NRXN3: variants seen among roughly 807,000 people sequenced by gnomAD.
The protein encoded by NRXN3 is neurexin 3.
A neutral mutation model predicts 137.6 loss-of-function variants in NRXN3; 32 were observed. The observed-to-expected ratio is 0.23, with a 90% CI of 0.18 to 0.31. NRXN3 has a LOEUF of 0.31. Ranked by LOEUF, NRXN3 falls within the 10% of genes least tolerant of loss-of-function variation. The pLI is 1.00. For synonymous variants in NRXN3, 798 were observed against 784.5 expected (o/e 1.02, Z -0.29); for missense variants, 1,574 against 2,062.5 (o/e 0.76, Z 4.59).
chr14:78,206,569 G>A (rs1044574391), intron 1 of NRXN3, among the ~76,000 whole-genome samples: 4 of 152,192 alleles, frequency 2.6e-5, no homozygotes, highest in African/African-American at 9.6e-5. Flanking sequence ...AAGAGTGAAA[G>A]GCTGAGATGA....
intron 15 of NRXN3, among the ~76,000 whole-genome samples, chr14:79,399,922 C>G (rs1056422081): frequency 2.0e-5 from 3 of 152,072 alleles, no homozygotes; most frequent in African/African-American, 7.2e-5. Context: ...CTGGGCTTTC[C>G]TTGGCTTTTA....
chr14:78,642,929 G>A (rs2097649779), intron 4 of NRXN3, among the ~76,000 whole-genome samples: 1 of 152,214 alleles, frequency 6.6e-6, no homozygotes, highest in African/African-American at 2.4e-5. Context: ...GCTACCCTGT[G>A]AGCATTTATA....
Position 78,778,781 on chromosome 14 carries a change from TTTCTTTC to T in NRXN3, c.2045-24836_2045-24830del, listed in dbSNP as rs1209786741. ...TTCTCTTTCTTTCTTTCTTTCTTTC[TTTCTTTC>T]TTTCTTTCTTTCTTTCTTTCTTTCT... On this transcript the variant is annotated intron_variant, in intron 8 of 20. Coordinates refer to ENST00000335750, the MANE Select transcript of NRXN3 (RefSeq NM_001330195.2). Among the ~76,000 whole-genome samples the T allele has an allele frequency of 2.6e-3, 336 of 129,226 alleles. 9 individuals are homozygous for T. The highest frequency in any genetic ancestry group is 3.9e-4 in the Non-Finnish European group (24 of 62,170). 84.8% of individuals were successfully genotyped at this position (129,226 alleles called of 152,430 possible).
chr14:78,830,145 G>A (rs215499), intron 10 of NRXN3, among the ~76,000 whole-genome samples: 119,073 of 152,018 alleles, frequency 0.78, 51,095 homozygotes, highest in Non-Finnish European at 0.95. Flanking sequence ...GTATGGGTGC[G>A]TGTGTGTGTT....
At chr14:78,836,871 C>T (rs1486840834) in intron 10 of NRXN3, among the ~76,000 whole-genome samples, 1 of 152,072 alleles carries the variant, frequency 6.6e-6, no homozygotes, top group African/African-American at 2.4e-5. Flanking sequence ...CTACAGTGTT[C>T]CAGGGTCAGC....
intron 4 of NRXN3, among the ~76,000 whole-genome samples, chr14:78,459,822 CCAATAGA>C (rs2094867601): frequency 6.6e-6 from 1 of 152,218 alleles, no homozygotes; most frequent in African/African-American, 2.4e-5. Context: ...AAGCAATTCT[CCAATAGA>C]CACCAGCTGG....
chr14:79,229,016 C>T (rs967807950), intron 15 of NRXN3, among the ~76,000 whole-genome samples: 5 of 152,076 alleles, frequency 3.3e-5, no homozygotes, highest in Non-Finnish European at 7.4e-5. Context: ...CACACTAAAA[C>T]CCAGAGAGGT....
Position 79,553,438 on chromosome 14 carries a change from G to A in NRXN3, c.3444+86036G>A, listed in dbSNP as rs532645005. 7.9e-5 allele frequency among the ~76,000 whole-genome samples: 12 copies of A among 152,188 alleles called. No individual in the cohort carries two copies. In the South Asian group the frequency reaches 2.5e-3, roughly 32 times the overall value. Reference sequence around the variant, plus strand: ...ACGTTCAGCCAAAAATTACACCCAGGTCTGATTTCAAAGACACTAAAACCA... The same window carrying A: ...ACGTTCAGCCAAAAATTACACCCAGATCTGATTTCAAAGACACTAAAACCA... On this transcript the variant is annotated intron_variant, in intron 16 of 20. Transcript: ENST00000335750.
chr14:79,640,760 T>A lies in NRXN3; in HGVS notation c.3445-23018T>A, dbSNP rs182206847. ...CTTTTGTTCTACTTGATACGGCATATCCATTCTTGAGTGAGGCTGAGTACA... is the reference window on the plus strand; with the variant it reads ...CTTTTGTTCTACTTGATACGGCATAACCATTCTTGAGTGAGGCTGAGTACA... On this transcript the variant is annotated intron_variant, in intron 16 of 20. Coordinates refer to ENST00000335750, the MANE Select transcript of NRXN3 (RefSeq NM_001330195.2). 4.4e-5 allele frequency among the ~76,000 whole-genome samples: 6 copies of A among 135,782 alleles called. No homozygotes were observed. In the East Asian group the frequency reaches 1.2e-3, roughly 27 times the overall value. 89.1% of individuals were successfully genotyped at this position (135,782 alleles called of 152,430 possible).
chr14:79,379,111 T>C (rs1237587172), intron 15 of NRXN3, among the ~76,000 whole-genome samples: 1 of 152,208 alleles, frequency 6.6e-6, no homozygotes, highest in African/African-American at 2.4e-5. Context: ...TACCTCTTTC[T>C]TTCAAAATTT....
rs565637732 is a variant in NRXN3 at position 78,278,607 on chromosome 14, C to T, written c.710-38C>T. On this transcript the variant is annotated intron_variant, in intron 2 of 20. Coordinates refer to ENST00000335750, the MANE Select transcript of NRXN3 (RefSeq NM_001330195.2). The stretch of plus-strand genomic sequence containing the variant: ...CTTCCTTTTTCTCCCCTTTTCTCTC[C>T]TCTCTCCCTTTCCCTCCCTTTGAAA... 3.0e-5 allele frequency: 46 copies of T among 1,520,640 alleles called. No individual in the cohort carries two copies. In the African/African-American group the frequency reaches 4.1e-4, roughly 14 times the overall value. The allele number at this position is 1,520,640 out of a possible 1,614,324, so 94.2% of individuals were successfully genotyped here. A position where few individuals can be genotyped will look rare whatever the true frequency, so the allele number is the denominator to read the frequency against.
At chr14:78,483,453 T>A (rs2095505999) in intron 4 of NRXN3, among the ~76,000 whole-genome samples, 1 of 152,334 alleles carries the variant, frequency 6.6e-6, no homozygotes, top group East Asian at 1.9e-4. Context: ...CAACTGCATG[T>A]CACTGGTGAC....
chr14:79,409,196 A>C (rs1375470399), intron 15 of NRXN3, among the ~76,000 whole-genome samples: 1 of 152,056 alleles, frequency 6.6e-6, no homozygotes, highest in African/African-American at 2.4e-5. Flanking sequence ...TTCAATTAAC[A>C]AAGTAACAGG....
intron 2 of NRXN3, among the ~76,000 whole-genome samples, chr14:78,267,022 C>T (rs756540979): frequency 6.6e-6 from 1 of 152,164 alleles, no homozygotes; most frequent in Non-Finnish European, 1.5e-5. Flanking sequence ...CCTTCCTTCT[C>T]AAGTTCATTG....
intron 16 of NRXN3, among the ~76,000 whole-genome samples, chr14:79,596,979 C>G (rs1424840545): frequency 1.3e-5 from 2 of 152,146 alleles, no homozygotes; most frequent in Admixed American, 6.5e-5. Flanking sequence ...AGGACACATA[C>G]AGCAGTAAGT....
chr14:79,126,062 A>G (rs1037435198), intron 15 of NRXN3, among the ~76,000 whole-genome samples: 3 of 152,116 alleles, frequency 2.0e-5, no homozygotes, highest in Admixed American at 2.0e-4. Flanking sequence ...AATTGAACAC[A>G]GAGGCCTCTG....
At chr14:78,794,641 A>G (rs925675185) in intron 8 of NRXN3, among the ~76,000 whole-genome samples, 2 of 150,974 alleles carry the variant, frequency 1.3e-5, no homozygotes, top group Non-Finnish European at 3.0e-5. Flanking sequence ...TGTGTATATA[A>G]TATATATATG....
At chr14:79,705,798 G>C (rs984360295) in intron 19 of NRXN3, among the ~76,000 whole-genome samples, 4 of 152,064 alleles carry the variant, frequency 2.6e-5, no homozygotes, top group African/African-American at 7.2e-5. Flanking sequence ...TTCCTGTTTT[G>C]TTACCTCTCA....
intron 4 of NRXN3, among the ~76,000 whole-genome samples, chr14:78,351,855 T>C (rs1349000332): frequency 2.0e-5 from 3 of 150,746 alleles, no homozygotes; most frequent in African/African-American, 7.3e-5. Flanking sequence ...TGGCTCTCCA[T>C]AGGTTGTATT....
Sources: gnomAD v4.1 joint callset for allele counts (sites outside exome capture counted in the v4.1 genomes callset) on GRCh38, gnomAD v4.1.1 for gene constraint, MANE v1.5 for transcripts, NCBI Gene and HGNC (gene_info 2026-07-23, HGNC 2026-07-21) for gene names.